B3GLCT: variants seen among roughly 807,000 people sequenced by gnomAD.
B3GLCT encodes beta 3-glucosyltransferase.
B3GLCT carries 65 observed loss-of-function variants against 63.4 expected under a neutral mutation model. The observed-to-expected ratio is 1.03, with a 90% CI of 0.84 to 1.26. B3GLCT has a LOEUF of 1.26. B3GLCT is among the 50% of genes most tolerant of loss of function. The pLI, the probability that B3GLCT is intolerant of heterozygous loss-of-function variation, is 0.00. For synonymous variants in B3GLCT, 233 were observed against 219.2 expected (o/e 1.06, Z -0.55); for missense variants, 577 against 604.8 (o/e 0.95, Z 0.48).
At chr13:31,223,829 A>G (rs1280648463) in intron 3 of B3GLCT, among the ~76,000 whole-genome samples, 1 of 152,120 alleles carries the variant, frequency 6.6e-6, no homozygotes, top group East Asian at 1.9e-4. Context: ...GTCAGGGGGT[A>G]TGCGGTCCAT....
rs2137957629 is a variant in B3GLCT, at chr13:31,329,518, C to A, written c.1347C>A (p.Tyr449Ter). ...PLFHQARPVD[Y>*]PKDYLSHQVP... ...TCCTGCAGGCTCGGCCGGTGGATTA[C>A]CCTAAGGACTACCTTTCTCATCAAG... is the stretch of plus-strand genomic sequence containing the variant. Residue 449 changes from tyrosine (Y) to a stop codon, truncating the protein, a stop_gained, in exon 15 of 15, where the codon TAC becomes TAA. Coordinates refer to ENST00000343307, the MANE Select transcript of B3GLCT (RefSeq NM_194318.4). LOFTEE classifies it high-confidence loss of function. The A allele has an allele frequency of 6.2e-7, 1 of 1,614,204 alleles. No homozygotes were observed. The highest frequency in any genetic ancestry group is 1.1e-5 in the South Asian group (1 of 91,086).
At chr13:31,279,560 A>G (rs1872960395) in intron 10 of B3GLCT, among the ~76,000 whole-genome samples, 1 of 152,190 alleles carries the variant, frequency 6.6e-6, no homozygotes, top group Non-Finnish European at 1.5e-5. Flanking sequence ...GGTGTGGGTC[A>G]CAGAGATCAC....
chr13:31,264,408 C>A (rs1330295197), intron 7 of B3GLCT, among the ~76,000 whole-genome samples: 2 of 152,130 alleles, frequency 1.3e-5, no homozygotes, highest in Admixed American at 6.5e-5. Flanking sequence ...CAGTGACCAA[C>A]AAACCGTAGA....
chr13:31,289,412 A>G (rs1014233943), intron 12 of B3GLCT, among the ~76,000 whole-genome samples: 5 of 152,210 alleles, frequency 3.3e-5, no homozygotes, highest in Non-Finnish European at 7.3e-5. Flanking sequence ...TCATGTAAAT[A>G]CATTGAAAAA....
In B3GLCT at chr13:31,327,076, TC is replaced by T. The variant is rs201113316; in HGVS notation, c.1330-2419del. On this transcript the variant is annotated intron_variant, in intron 14 of 14. Transcript: ENST00000343307. ...TAACCACAGGGGATACATTCCACAA[TC>T]CCCCCAGTGGATGTTTGAAACCTTG... Among the ~76,000 whole-genome samples the T allele has an allele frequency of 4.6e-5, 7 of 152,224 alleles. No homozygotes were observed. The East Asian group carries it at 1.4e-3, about 29-fold the overall frequency.
At chr13:31,296,348 G>C (rs759896089) in intron 12 of B3GLCT, among the ~76,000 whole-genome samples, 183 of 152,338 alleles carry the variant, frequency 1.2e-3, no homozygotes, top group Non-Finnish European at 2.1e-3. Flanking sequence ...AGATCAGGGT[G>C]CCAGCATGGT....
chr13:31,229,870 A>G (rs1027288573), intron 4 of B3GLCT, among the ~76,000 whole-genome samples: 3 of 150,814 alleles, frequency 2.0e-5, no homozygotes, highest in African/African-American at 4.8e-5. Context: ...TAAGAGAACT[A>G]TATAATTGTG....
chr13:31,208,915 G>A (rs1006240214), intron 1 of B3GLCT, among the ~76,000 whole-genome samples: 1 of 151,900 alleles, frequency 6.6e-6, no homozygotes, highest in Non-Finnish European at 1.5e-5. Flanking sequence ...TCCCCACAGG[G>A]GTTCCTGCCC....
At chr13:31,234,880 C>G (rs1447564045) in intron 4 of B3GLCT, among the ~76,000 whole-genome samples, 1 of 152,122 alleles carries the variant, frequency 6.6e-6, no homozygotes, top group African/African-American at 2.4e-5. Flanking sequence ...AGGGAGTAGA[C>G]CTGGTAGAGT....
chr13:31,325,871 TATG>T (rs1187950506), intron 14 of B3GLCT, among the ~76,000 whole-genome samples: 1 of 152,220 alleles, frequency 6.6e-6, no homozygotes, highest in East Asian at 1.9e-4. Context: ...AGCAGTCTCA[TATG>T]CAAAATTGCC....
At chr13:31,251,747 G>C (rs774740464) in intron 6 of B3GLCT, among the ~76,000 whole-genome samples, 1 of 152,186 alleles carries the variant, frequency 6.6e-6, no homozygotes, top group Non-Finnish European at 1.5e-5. Context: ...TTTGATTGCT[G>C]TACCTGAAAG....
At chr13:31,268,787 A>G (rs184174616) in intron 7 of B3GLCT, among the ~76,000 whole-genome samples, 709 of 152,320 alleles carry the variant, frequency 4.7e-3, no homozygotes, top group Non-Finnish European at 8.5e-3. Context: ...AAACAAAACC[A>G]CATGCTTTTC....
rs1236473828 is a variant in B3GLCT at position 31,332,015 on chromosome 13, GA to G, written c.*2350del. ...ATTTTTACATCTTGAAACTAAATCA[GA>G]AATCCAGACATGAAAATAACCTTTC... On this transcript the variant is annotated 3_prime_UTR_variant, in exon 15 of 15. Coordinates refer to ENST00000343307, the MANE Select transcript of B3GLCT (RefSeq NM_194318.4). 3.3e-5 allele frequency: 5 copies of G among 152,178 alleles called. No individual in the cohort carries two copies. The highest frequency in any genetic ancestry group is 5.9e-5 in the Non-Finnish European group (4 of 68,010). The allele number at this position is 152,178 out of a possible 1,614,324, so 9.4% of individuals were successfully genotyped here. A position where few individuals can be genotyped will look rare whatever the true frequency, so the allele number is the denominator to read the frequency against.
At chr13:31,264,381 C>T (rs766895110) in intron 7 of B3GLCT, among the ~76,000 whole-genome samples, 1 of 152,160 alleles carries the variant, frequency 6.6e-6, no homozygotes, top group African/African-American at 2.4e-5. Flanking sequence ...GTGTCATCTG[C>T]TCGTCACAAC....
chr13:31,274,619 AC>A lies in B3GLCT; in HGVS notation c.773del (p.Pro258ArgfsTer7). 6.2e-7 allele frequency: 1 copy of A among 1,614,106 alleles called. No homozygotes were observed. The highest frequency in any genetic ancestry group is 8.5e-7 in the Non-Finnish European group (1 of 1,179,990). Reference sequence around the variant, plus strand: ...GTGCTACCACATTCCATTCTTTTCTACCGCTTTGTGTGAGTAACAGAAGAAA... The same window carrying A: ...GTGCTACCACATTCCATTCTTTTCTACGCTTTGTGTGAGTAACAGAAGAAA... ...YCATTFHSFL[P>X]LCRKPVKKKD... On this transcript the variant is annotated frameshift_variant, in exon 9 of 15. Transcript: ENST00000343307. LOFTEE classifies it high-confidence loss of function.
intron 6 of B3GLCT, among the ~76,000 whole-genome samples, chr13:31,248,246 A>T (rs1297976154): frequency 6.6e-6 from 1 of 152,238 alleles, no homozygotes; most frequent in East Asian, 1.9e-4. Context: ...TGAAGTTCAT[A>T]AACTGCTTTT....
chr13:31,293,519 C>T (rs1873784273), intron 12 of B3GLCT, among the ~76,000 whole-genome samples: 1 of 152,124 alleles, frequency 6.6e-6, no homozygotes, highest in African/African-American at 2.4e-5. Context: ...GGATAGTTAG[C>T]TCTTCTTTTT....
At position 31,206,691 on chromosome 13, in the gene B3GLCT, C is replaced by T. The variant is rs373943488; in HGVS notation, c.70+6537C>T. Among the ~76,000 whole-genome samples, 54 of 147,904 alleles carry T rather than the reference C, an allele frequency of 3.7e-4. 1 individual carries two copies. In the East Asian group the frequency reaches 9.5e-3, roughly 26 times the overall value. On this transcript the variant is annotated intron_variant, in intron 1 of 14. Coordinates refer to ENST00000343307, the MANE Select transcript of B3GLCT (RefSeq NM_194318.4). ...ATCGGAGGTTGCAGTGAGCCAAGAT[C>T]ATGCCATTGCACTCCAGCCCGGGCG... is the stretch of plus-strand genomic sequence containing the variant.
intron 7 of B3GLCT, among the ~76,000 whole-genome samples, chr13:31,267,425 A>G (rs1872379993): frequency 6.6e-6 from 1 of 152,270 alleles, no homozygotes; most frequent in Non-Finnish European, 1.5e-5. Context: ...AGTTACCTTG[A>G]TGCAGTTTAT....
Sources: allele counts gnomAD v4.1 joint callset (sites outside exome capture counted in the v4.1 genomes callset), GRCh38; gene constraint gnomAD v4.1.1; transcripts MANE v1.5; gene names NCBI Gene and HGNC (gene_info 2026-07-23, HGNC 2026-07-21).